Variants in FLT3 observed in about 807,000 individuals in gnomAD.
FLT3 encodes the protein receptor-type tyrosine-protein kinase FLT3.
Under a neutral mutation model 126.6 loss-of-function variants are expected in FLT3, and 46 were observed. That is an observed-to-expected ratio of 0.36 (90% CI 0.29 to 0.46). The LOEUF is 0.46. FLT3 is among the 20% of genes least tolerant of loss of function. The pLI is 1.00. For synonymous variants in FLT3, 404 were observed against 434.4 expected, an observed-to-expected ratio of 0.93 and a Z score of 0.87; for missense variants, 1,069 against 1,190.3, an observed-to-expected ratio of 0.90 and a Z score of 1.50.
intron 1 of FLT3, among the ~76,000 whole-genome samples, chr13:28,072,970 A>G (rs144822111): frequency 0.18 from 26,706 of 151,444 alleles, 2,411 homozygotes; most frequent in Middle Eastern, 0.26. Flanking sequence ...GTGCCACTGC[A>G]CTCCAGCCTG....
chr13:28,011,445 G>C (rs112438065), intron 23 of FLT3, among the ~76,000 whole-genome samples: 1 of 151,944 alleles, frequency 6.6e-6, no homozygotes. Context: ...TTCCAACCAA[G>C]GGACTAGATA....
In FLT3 at chr13:28,052,316, A is replaced by G. The variant is rs1367002862; in HGVS notation, c.614+229T>C. Among the ~76,000 whole-genome samples the G allele has an allele frequency of 5.4e-3, 809 of 151,116 alleles. 6 individuals are homozygous for G. Among genetic ancestry groups the G allele is most frequent in the African/African-American group, 0.018 (748 of 40,660 alleles). On this transcript the variant is annotated intron_variant, in intron 5 of 23. Transcript: ENST00000241453. The stretch of plus-strand genomic sequence containing the variant: ...TCACCATGTTGGCCAGGCTGGTCTC[A>G]AACTCCTGACCTCAAGTGATCTGTC...
At chr13:28,071,545 T>TC (rs1362983246) in intron 1 of FLT3, among the ~76,000 whole-genome samples, 1 of 152,092 alleles carries the variant, frequency 6.6e-6, no homozygotes, top group Non-Finnish European at 1.5e-5. Context: ...TTAGATATTT[T>TC]CCCCAAATGA....
chr13:28,096,236 T>C (rs1269461161), intron 1 of FLT3, among the ~76,000 whole-genome samples: 8 of 151,938 alleles, frequency 5.3e-5, no homozygotes, highest in Non-Finnish European at 4.4e-5. Context: ...ATGCCTGTAG[T>C]CCCACAACTC....
At position 28,070,614 on chromosome 13, in the gene FLT3, T is replaced by A. The variant is rs2137788337; in HGVS notation, c.44-2A>T. The A allele has an allele frequency of 6.3e-7, 1 of 1,592,982 alleles. No homozygotes were observed. Among genetic ancestry groups the A allele is most frequent in the Non-Finnish European group, 8.6e-7 (1 of 1,164,682 alleles). On this transcript the variant is annotated splice_acceptor_variant, in intron 1 of 23. Transcript: ENST00000241453. LOFTEE classifies it high-confidence loss of function. The stretch of plus-strand genomic sequence containing the variant: ...CAAATATCATTGCAGAAAAAACAAC[T>A]GTAAAACAAAATAAAAATGATAATG...
rs145857550 is a variant in FLT3, at chr13:28,037,193, T to C, written c.1301A>G (p.Asn434Ser). The change falls in exon 10 of 24, where the codon AAT becomes AGT. Residue 434 changes from asparagine to serine, a missense_variant. Asn to Ser is a conservative substitution (Grantham distance 46, BLOSUM62 1). Coordinates refer to ENST00000241453, the MANE Select transcript of FLT3 (RefSeq NM_004119.3). ...TCGGCAATTTAACTTACTTCTTATATTCAGCGTGAACATTTTGGTAAATTG... is the reference window on the plus strand; with the variant it reads ...TCGGCAATTTAACTTACTTCTTATACTCAGCGTGAACATTTTGGTAAATTG... The part of the protein sequence containing the change: ...DAQFTKMFTL[N>S]IRRKPQVLAE... 1.2e-5 allele frequency: 18 copies of C among 1,554,540 alleles called. No individual in the cohort carries two copies. Among genetic ancestry groups the C allele is most frequent in the African/African-American group, 1.4e-5 (1 of 73,690 alleles).
intron 9 of FLT3, among the ~76,000 whole-genome samples, chr13:28,046,197 T>G (rs1393364318): frequency 2.0e-5 from 3 of 152,160 alleles, no homozygotes; most frequent in Non-Finnish European, 4.4e-5. Context: ...CAGTCTGCAT[T>G]CTTAATTACT....
At position 28,048,347 on chromosome 13, in the gene FLT3, T is replaced by C; in HGVS notation, c.1133A>G (p.Gln378Arg). Residue 378 changes from glutamine to arginine, a missense_variant, in exon 9 of 24, where the codon CAA (glutamine) becomes CGA (arginine). Gln to Arg is a conservative substitution (Grantham distance 43). Transcript: ENST00000241453. The part of the protein sequence containing the change: ...CFSVRFKAYP[Q>R]IRCTWTFSRK... ...AGAGAAGGTCCACGTACATCTGATT[T>C]GTGGGTAGGCTTTAAACCTGACAGA... 1 of 1,613,838 alleles carries C rather than the reference T, an allele frequency of 6.2e-7. No individual in the cohort carries two copies. The highest frequency in any genetic ancestry group is 8.5e-7 in the Non-Finnish European group (1 of 1,179,722).
At chr13:28,048,075 G>T (rs1024210027) in intron 9 of FLT3, among the ~76,000 whole-genome samples, 200 bp downstream of exon 9, 4 of 152,154 alleles carry the variant, frequency 2.6e-5, no homozygotes, top group African/African-American at 9.7e-5. Flanking sequence ...CATGCAGCAG[G>T]TTATATTATC....
chr13:28,014,122 CTT>C (rs1172314645), intron 23 of FLT3, among the ~76,000 whole-genome samples: 3 of 151,936 alleles, frequency 2.0e-5, no homozygotes, highest in Non-Finnish European at 4.4e-5. Context: ...AAATAAAAAA[CTT>C]AGCCTGGCGT....
At chr13:28,099,590 T>C (rs569588464) in intron 1 of FLT3, among the ~76,000 whole-genome samples, 2 of 151,930 alleles carry the variant, frequency 1.3e-5, no homozygotes, top group African/African-American at 4.8e-5. Context: ...GGGAGGTGAG[T>C]GTCAGTCCCA....
chr13:28,009,041 G>A (rs1410193772), intron 23 of FLT3, among the ~76,000 whole-genome samples: 1 of 151,728 alleles, frequency 6.6e-6, no homozygotes, highest in East Asian at 1.9e-4. Context: ...CAGCAGCCCA[G>A]TTATAGCTCA....
Position 28,062,014 on chromosome 13 carries a change from G to A in FLT3, c.221C>T (p.Thr74Ile). Residue 74 changes from threonine (T) to isoleucine (I), a missense_variant, in exon 3 of 24, where the codon ACA becomes ATA. Physicochemically the swap from Thr to Ile is moderately conservative, Grantham distance 89. Transcript: ENST00000241453. ...TTCCACAGCGGCAGCTTCGTACACT[G>A]TCCCTGAGCTCTGGGGTCTCAACGC... Reference protein sequence around the residue: ...GCALRPQSSGTVYEAAAVEVD... With the variant: ...GCALRPQSSGIVYEAAAVEVD... 6.2e-7 allele frequency: 1 copy of A among 1,613,222 alleles called. No individual in the cohort carries two copies.
chr13:28,018,445 A>C (rs1422753963), intron 20 of FLT3, 22 bp downstream of exon 20: 1 of 1,613,082 alleles, frequency 6.2e-7, no homozygotes, highest in Non-Finnish European at 8.5e-7. Context: ...GTATAAAAAT[A>C]AGTAGGAAAT....
chr13:28,004,393 T>TG (rs1870700628), intron 23 of FLT3, among the ~76,000 whole-genome samples: 1 of 152,148 alleles, frequency 6.6e-6, no homozygotes, highest in East Asian at 1.9e-4. Context: ...GTGGCCTTGA[T>TG]GTTCTGGGTT....
chr13:28,012,401 G>A (rs779317586), intron 23 of FLT3, among the ~76,000 whole-genome samples: 6 of 152,062 alleles, frequency 3.9e-5, no homozygotes, highest in Admixed American at 6.6e-5. Context: ...CCATCCTGGC[G>A]ACACGAGCTT....
chr13:28,083,219 T>G (rs1164316800), intron 1 of FLT3, among the ~76,000 whole-genome samples: 6 of 152,228 alleles, frequency 3.9e-5, no homozygotes, highest in African/African-American at 1.2e-4. Flanking sequence ...GCTTTGTCTG[T>G]ATCTATTGAG....
chr13:28,029,134 T>C (rs1873085766), intron 15 of FLT3, among the ~76,000 whole-genome samples: 1 of 152,146 alleles, frequency 6.6e-6, no homozygotes, highest in East Asian at 1.9e-4. Context: ...CTCACACCTG[T>C]AATCCCAACA....
chr13:28,026,010 C>A (rs1872765429), intron 17 of FLT3, among the ~76,000 whole-genome samples: 1 of 152,090 alleles, frequency 6.6e-6, no homozygotes, highest in African/African-American at 2.4e-5. Context: ...TAAACAAATA[C>A]CCTTCAGAAT....
Sources: gnomAD v4.1 joint callset for allele counts (sites outside exome capture counted in the v4.1 genomes callset) on GRCh38, gnomAD v4.1.1 for gene constraint, MANE v1.5 for transcripts, NCBI Gene and HGNC (gene_info 2026-07-23, HGNC 2026-07-21) for gene names.